Variants in SNX5 observed in about 807,000 individuals in gnomAD.
SNX5 encodes the protein sorting nexin-5.
SNX5 carries 31 observed loss-of-function variants against 53.9 expected under a neutral mutation model. The observed-to-expected ratio is 0.58, with a 90% CI of 0.43 to 0.78. SNX5 has a LOEUF of 0.78. Ranked by LOEUF, SNX5 falls within the 30% of genes least tolerant of loss-of-function variation. The pLI is 0.00. For missense variants in SNX5, 471 were observed against 478.8 expected, an observed-to-expected ratio of 0.98 and a Z score of 0.15; for synonymous variants, 168 against 171.1, an observed-to-expected ratio of 0.98 and a Z score of 0.14.
chr20:17,968,662 C>A lies in SNX5; in HGVS notation c.-237G>T. 1 of 597,014 alleles carries A rather than the reference C, an allele frequency of 1.7e-6. No homozygotes were observed. Among genetic ancestry groups the A allele is most frequent in the Middle Eastern group, 4.0e-4 (1 of 2,480 alleles). 37.0% of individuals were successfully genotyped at this position (597,014 alleles called of 1,614,324 possible). On this transcript the variant is annotated 5_prime_UTR_variant, in exon 1 of 13. It removes an upstream start codon present in the reference 5' UTR. Coordinates refer to ENST00000377759, the MANE Select transcript of SNX5 (RefSeq NM_014426.4). ...CAGCCTCCCAGTCCCCGCTGCCGTCCATCTTGGAGCCGGGCAAAGACGCCA... is the reference window on the plus strand; with the variant it reads ...CAGCCTCCCAGTCCCCGCTGCCGTCAATCTTGGAGCCGGGCAAAGACGCCA...
At chr20:17,946,390 G>A (rs1034710124) in intron 11 of SNX5, among the ~76,000 whole-genome samples, 1 of 152,202 alleles carries the variant, frequency 6.6e-6, no homozygotes, top group Non-Finnish European at 1.5e-5. Context: ...GGAGCAGAGA[G>A]TAAGATTAGC....
chr20:17,964,691 A>C (rs113929298), intron 1 of SNX5, among the ~76,000 whole-genome samples: 118 of 152,314 alleles, frequency 7.7e-4, no homozygotes, highest in African/African-American at 2.5e-3. Flanking sequence ...ATTTAACTTC[A>C]CTACACACTG....
In SNX5 at chr20:17,949,184, G is replaced by A. The variant is rs75920761; in HGVS notation, c.792-81C>T. 678 of 1,197,810 alleles carry A rather than the reference G, an allele frequency of 5.7e-4. 1 individual carries two copies. In the African/African-American group the frequency reaches 8.4e-3, roughly 15 times the overall value. 74.2% of individuals were successfully genotyped at this position (1,197,810 alleles called of 1,614,324 possible). ...TCTTACCAGTGTGCAAGACAGGAAT[G>A]GGTCAACTCAGGAGTCCTAGCCTTT... is the stretch of plus-strand genomic sequence containing the variant. On this transcript the variant is annotated intron_variant, in intron 8 of 12. Coordinates refer to ENST00000377759, the MANE Select transcript of SNX5 (RefSeq NM_014426.4).
At chr20:17,942,610 G>A in intron 12 of SNX5, 1 of 594,312 alleles carries the variant, frequency 1.7e-6, no homozygotes, top group Admixed American at 2.9e-5. Context: ...CCCTCAGTGG[G>A]TAAGGCTACC....
At position 17,963,509 on chromosome 20, in the gene SNX5, CAG is replaced by C. The variant is rs2035490990; in HGVS notation, c.51+4864_51+4865del. Among the ~76,000 whole-genome samples, 3 of 152,290 alleles carry C rather than the reference CAG, an allele frequency of 2.0e-5. No homozygotes were observed. In the South Asian group the frequency reaches 6.2e-4, roughly 32 times the overall value. On this transcript the variant is annotated intron_variant, in intron 1 of 12. Coordinates refer to ENST00000377759, the MANE Select transcript of SNX5 (RefSeq NM_014426.4). The stretch of plus-strand genomic sequence containing the variant: ...AACAGAAATGCCAGTTTCCTTTACT[CAG>C]AGCTAAAAGCCTTCACCTACTACCC...
At chr20:17,949,939 GC>G (rs1374160809) in intron 8 of SNX5, among the ~76,000 whole-genome samples, 192 bp downstream of exon 8, 2 of 152,196 alleles carry the variant, frequency 1.3e-5, no homozygotes, top group Admixed American at 1.3e-4. Context: ...ATATAGAAGA[GC>G]CCAAGTCCCC....
chr20:17,954,300 T>G, intron 3 of SNX5, 183 bp from the exon 4 acceptor site: 1 of 897,172 alleles, frequency 1.1e-6, no homozygotes, highest in Non-Finnish European at 1.6e-6. Context: ...AAATGAGGTG[T>G]CTTCCTGAGA....
At chr20:17,942,893 A>G in intron 12 of SNX5, 2 of 401,958 alleles carry the variant, frequency 5.0e-6, no homozygotes, top group East Asian at 4.1e-5. Context: ...CCCCATCTCT[A>G]TTAAAAAAAA....
chr20:17,967,370 C>T (rs1399116854), intron 1 of SNX5, among the ~76,000 whole-genome samples: 1 of 151,676 alleles, frequency 6.6e-6, no homozygotes, highest in Admixed American at 6.6e-5. Context: ...TAAACAACAC[C>T]CTCCTGTATA....
intron 3 of SNX5, among the ~76,000 whole-genome samples, chr20:17,954,666 G>A (rs2035323688): frequency 6.6e-6 from 1 of 152,168 alleles, no homozygotes; most frequent in Non-Finnish European, 1.5e-5. Flanking sequence ...GTCTGTTCCT[G>A]CCGCCAAGAA....
intron 4 of SNX5, among the ~76,000 whole-genome samples, chr20:17,953,140 C>T (rs1272512127): frequency 1.3e-5 from 2 of 152,130 alleles, no homozygotes; most frequent in African/African-American, 2.4e-5. Context: ...AAATTCCTAA[C>T]GGTAGAAACT....
intron 5 of SNX5, 70 bp from the exon 6 acceptor site, chr20:17,951,665 G>T: frequency 9.4e-7 from 1 of 1,068,356 alleles, no homozygotes; most frequent in Non-Finnish European, 1.5e-6. Context: ...GAAGTTCTGA[G>T]TAACATTTTA....
chr20:17,968,672 C>T lies in SNX5; in HGVS notation c.-247G>A. 1.7e-6 allele frequency: 1 copy of T among 587,360 alleles called. No homozygotes were observed. Among genetic ancestry groups the T allele is most frequent in the Non-Finnish European group, 3.1e-6 (1 of 322,618 alleles). The allele number at this position is 587,360 out of a possible 1,614,324, so 36.4% of individuals were successfully genotyped here. A position where few individuals can be genotyped will look rare whatever the true frequency, so the allele number is the denominator to read the frequency against. ...GTCCCCGCTGCCGTCCATCTTGGAG[C>T]CGGGCAAAGACGCCACGTGGGGCCT... On this transcript the variant is annotated 5_prime_UTR_variant, in exon 1 of 13. Transcript: ENST00000377759.
chr20:17,950,098 G>A, intron 8 of SNX5, 34 bp downstream of exon 8: 1 of 1,581,464 alleles, frequency 6.3e-7, no homozygotes, highest in Non-Finnish European at 8.7e-7. Context: ...CTCTTCAATT[G>A]GGTTAGGGGA....
rs1429912003 is a variant in SNX5 at position 17,951,506 on chromosome 20, T to C, written c.603A>G (p.Gly201=). 1 of 1,608,460 alleles carries C rather than the reference T, an allele frequency of 6.2e-7. No homozygotes were observed. The highest frequency in any genetic ancestry group is 8.5e-7 in the Non-Finnish European group (1 of 1,176,608). Residue 201 remains glycine (G), a synonymous_variant, in exon 6 of 13, where the codon GGA becomes GGG. Transcript: ENST00000377759. ...ACAGCCAAAGGTCACTTACCTTAAC[T>C]CCAGTAAAAAGGACTTCATCAGCAC... ...VKSADEVLFT[G]VKEVDDFFEQ...
At chr20:17,961,006 G>A (rs148036495) in intron 1 of SNX5, 3 of 378,184 alleles carry the variant, frequency 7.9e-6, no homozygotes, top group African/African-American at 2.2e-5. Flanking sequence ...CAGCCTTCAC[G>A]GTAAACAAGC....
chr20:17,965,642 G>A (rs1239581463), intron 1 of SNX5, among the ~76,000 whole-genome samples: 1 of 139,188 alleles, frequency 7.2e-6, no homozygotes, highest in Non-Finnish European at 1.5e-5. Flanking sequence ...CTGCACTCCC[G>A]CCTGGGTGAC....
At position 17,957,036 on chromosome 20, in the gene SNX5, A is replaced by G; in HGVS notation, c.53T>C (p.Leu18Pro). Residue 18 changes from leucine (L) to proline (P), a missense_variant and splice_region_variant, in exon 2 of 13, where the codon CTG becomes CCG. Coordinates refer to ENST00000377759, the MANE Select transcript of SNX5 (RefSeq NM_014426.4). The stretch of plus-strand genomic sequence containing the variant: ...ATTCAGGTCCACAGATACAGATCTC[A>G]GCTGAAATACATTTTTTGCGTATTA... Reference protein sequence around the residue: ...LQQQEEDRSKLRSVSVDLNVD... With the variant: ...LQQQEEDRSKPRSVSVDLNVD... The G allele has an allele frequency of 6.4e-7, 1 of 1,552,268 alleles. No homozygotes were observed. The highest frequency in any genetic ancestry group is 8.9e-7 in the Non-Finnish European group (1 of 1,123,448).
At chr20:17,953,210 T>G (rs1190550597) in intron 4 of SNX5, among the ~76,000 whole-genome samples, 1 of 152,144 alleles carries the variant, frequency 6.6e-6, no homozygotes, top group Admixed American at 6.5e-5. Flanking sequence ...CACTCAAGTG[T>G]GTGCTAAATG....
Sources: allele counts gnomAD v4.1 joint callset (sites outside exome capture counted in the v4.1 genomes callset), GRCh38; gene constraint gnomAD v4.1.1; transcripts MANE v1.5; gene names NCBI Gene and HGNC (gene_info 2026-07-23, HGNC 2026-07-21).